The following SLC25A26 variants were observed in gnomAD, a reference collection of about 807,000 sequenced individuals.
SLC25A26 encodes mitochondrial S-adenosylmethionine carrier protein.
SLC25A26 carries 36 observed loss-of-function variants against 37.8 expected under a neutral mutation model. That is an observed-to-expected ratio of 0.95 (90% CI 0.73 to 1.26). The LOEUF (loss-of-function observed/expected upper bound fraction) is 1.26, where lower values mean the gene tolerates loss of function less well. SLC25A26 is among the 50% of genes most tolerant of loss of function. SLC25A26 has a pLI of 0.00. For synonymous variants in SLC25A26, 129 were observed against 122.5 expected, an observed-to-expected ratio of 1.05 and a Z score of -0.35; for missense variants, 390 against 331.1, an observed-to-expected ratio of 1.18 and a Z score of -1.38.
intron 5 of SLC25A26, among the ~76,000 whole-genome samples, chr3:66,289,668 T>G (rs2107500355): frequency 6.6e-6 from 1 of 152,204 alleles, no homozygotes; most frequent in East Asian, 1.9e-4. Flanking sequence ...GTTCTGTCCC[T>G]TGGGTTTGTA....
At chr3:66,244,717 A>G (rs1678096) in intron 3 of SLC25A26, among the ~76,000 whole-genome samples, 19,889 of 152,078 alleles carry the variant, frequency 0.13, 2,130 homozygotes, top group East Asian at 0.28. Flanking sequence ...TCACGCCTGT[A>G]ATCCCAGCAC....
chr3:66,215,507 G>GA (rs2071347530), intron 1 of SLC25A26, among the ~76,000 whole-genome samples: 1 of 152,072 alleles, frequency 6.6e-6, no homozygotes, highest in South Asian at 2.1e-4. Flanking sequence ...TTATATCAAT[G>GA]AAAAAATATG....
intron 2 of SLC25A26, among the ~76,000 whole-genome samples, chr3:66,241,571 G>A (rs2072585847): frequency 6.6e-6 from 1 of 152,166 alleles, no homozygotes; most frequent in South Asian, 2.1e-4. Context: ...TGAATTATTA[G>A]TATTATTTTT....
intron 9 of SLC25A26, among the ~76,000 whole-genome samples, chr3:66,376,081 C>T (rs1001581856): frequency 1.3e-5 from 2 of 149,536 alleles, no homozygotes; most frequent in Non-Finnish European, 3.0e-5. Context: ...GGCAAGACCA[C>T]CGTAGTCAGA....
chr3:66,137,710 G>A (rs2106658730), intron 1 of SLC25A26, among the ~76,000 whole-genome samples: 1 of 152,310 alleles, frequency 6.6e-6, no homozygotes, highest in South Asian at 2.1e-4. Flanking sequence ...AGGTCAGAGT[G>A]TGTCTAACTC....
chr3:66,227,024 T>C (rs956085153), intron 1 of SLC25A26, among the ~76,000 whole-genome samples: 2 of 152,252 alleles, frequency 1.3e-5, no homozygotes, highest in Non-Finnish European at 2.9e-5. Context: ...TTATGTATTA[T>C]AGAAGAAGCA....
chr3:66,323,553 C>T (rs1004159567), intron 5 of SLC25A26, among the ~76,000 whole-genome samples: 10 of 152,150 alleles, frequency 6.6e-5, no homozygotes, highest in African/African-American at 2.2e-4. Context: ...TGTCTGTAAT[C>T]CCAGCACTTT....
chr3:66,282,022 T>TTTTTTTA (rs2074360399), intron 5 of SLC25A26, among the ~76,000 whole-genome samples: 4 of 127,338 alleles, frequency 3.1e-5, no homozygotes, highest in Non-Finnish European at 5.0e-5. Context: ...TTTTTTTTTT[T>TTTTTTTA]GAGACGGAGT....
At chr3:66,175,124 T>TAC (rs1389413846) in intron 1 of SLC25A26, among the ~76,000 whole-genome samples, 1 of 91,230 alleles carries the variant, frequency 1.1e-5, no homozygotes, top group Non-Finnish European at 2.3e-5. Context: ...TATATATATA[T>TAC]ATATATATAT....
At chr3:66,168,185 GTA>G (rs375969349) in intron 1 of SLC25A26, among the ~76,000 whole-genome samples, 49,036 of 108,766 alleles carry the variant, frequency 0.45, 9,548 homozygotes, top group South Asian at 0.59. Flanking sequence ...ATGTGTGTGT[GTA>G]TATATATATA....
At chr3:66,160,029 G>C (rs1238253887) in intron 1 of SLC25A26, among the ~76,000 whole-genome samples, 1 of 151,984 alleles carries the variant, frequency 6.6e-6, no homozygotes, top group Non-Finnish European at 1.5e-5. Flanking sequence ...TTTTGGGACA[G>C]TCTTGCTCTG....
intron 1 of SLC25A26, among the ~76,000 whole-genome samples, chr3:66,196,669 A>G (rs1424878095): frequency 6.6e-6 from 1 of 151,400 alleles, no homozygotes; most frequent in Non-Finnish European, 1.5e-5. Context: ...AATCTATATC[A>G]AATTAAATTA....
At chr3:66,213,659 A>T (rs1040879704) in intron 1 of SLC25A26, among the ~76,000 whole-genome samples, 5 of 152,164 alleles carry the variant, frequency 3.3e-5, no homozygotes, top group Non-Finnish European at 7.3e-5. Flanking sequence ...AGTTTACATT[A>T]GGTTAATCAC....
intron 1 of SLC25A26, among the ~76,000 whole-genome samples, chr3:66,203,500 T>A (rs2071135564): frequency 6.6e-6 from 1 of 152,144 alleles, no homozygotes; most frequent in South Asian, 2.1e-4. Flanking sequence ...TAACTTACCC[T>A]TATTAAAACA....
At chr3:66,208,213 A>G (rs1477668555) in intron 1 of SLC25A26, among the ~76,000 whole-genome samples, 1 of 152,154 alleles carries the variant, frequency 6.6e-6, no homozygotes, top group East Asian at 1.9e-4. Context: ...CAAGCACCAT[A>G]GAGTTTCATT....
chr3:66,274,933 T>C (rs1375362470), intron 5 of SLC25A26, among the ~76,000 whole-genome samples: 2 of 152,090 alleles, frequency 1.3e-5, no homozygotes, highest in Non-Finnish European at 2.9e-5. Context: ...ATCATGCTGC[T>C]ATAAAGACAC....
In SLC25A26 at chr3:66,213,125, C is replaced by T. The variant is rs896120153; in HGVS notation, c.-353-7617C>T. On this transcript the variant is annotated intron_variant, in intron 1 of 10. Transcript: ENST00000676754. ...AGAACTAGGCCTGGCGCAGCCCAGG[C>T]GCGGTGGCTCACGCCTGTAATCCCA... 5.2e-3 allele frequency among the ~76,000 whole-genome samples: 784 copies of T among 152,224 alleles called. 12 individuals carry two copies. The highest frequency in any genetic ancestry group is 0.018 in the African/African-American group (735 of 41,550).
intron 1 of SLC25A26, among the ~76,000 whole-genome samples, chr3:66,170,941 C>CTACAG (rs1219636936): frequency 6.7e-6 from 1 of 149,006 alleles, no homozygotes; most frequent in Non-Finnish European, 1.5e-5. Flanking sequence ...GTAGCTGGGA[C>CTACAG]TACAGGCGCC....
At chr3:66,286,088 A>G (rs1273346608) in intron 5 of SLC25A26, among the ~76,000 whole-genome samples, 1 of 152,086 alleles carries the variant, frequency 6.6e-6, no homozygotes, top group African/African-American at 2.4e-5. Flanking sequence ...AAAGTTCTTT[A>G]TATATTTGGA....
Sources: allele counts gnomAD v4.1 joint callset (sites outside exome capture counted in the v4.1 genomes callset), GRCh38; gene constraint gnomAD v4.1.1; transcripts MANE v1.5; gene names NCBI Gene and HGNC (gene_info 2026-07-23, HGNC 2026-07-21).